The following LRRC47 variants were observed in gnomAD, a reference collection of about 807,000 sequenced individuals.
The protein encoded by LRRC47 is leucine rich repeat containing 47.
A neutral mutation model predicts 40.9 loss-of-function variants in LRRC47; 31 were observed. The ratio of observed to expected loss-of-function variants is 0.76; its 90% CI spans 0.57 to 1.02. LRRC47 has a LOEUF of 1.02. LRRC47 is among the 50% of genes least tolerant of loss of function. LRRC47 has a pLI of 0.00. For missense variants in LRRC47, 726 were observed against 796.1 expected, an observed-to-expected ratio of 0.91 and a Z score of 1.06; for synonymous variants, 427 against 371.9, an observed-to-expected ratio of 1.15 and a Z score of -1.70.
intron 4 of LRRC47, among the ~76,000 whole-genome samples, chr1:3,783,606 T>C (rs1643542531): frequency 6.6e-6 from 1 of 152,164 alleles, no homozygotes; most frequent in East Asian, 1.9e-4. Flanking sequence ...TCATCTTGCT[T>C]AGAGCAGCAC....
rs1312567391 is a variant in LRRC47, at chr1:3,779,079, C to G, written c.*2009G>C. 6.6e-6 allele frequency: 1 copy of G among 152,416 alleles called. No individual in the cohort carries two copies. Among genetic ancestry groups the G allele is most frequent in the East Asian group, 1.9e-4 (1 of 5,196 alleles). The allele number at this position is 152,416 out of a possible 1,614,324, so 9.4% of individuals were successfully genotyped here. ...CACACCCACGGCAGTCCAGCTGGCA[C>G]TGAGTGTGTGGGCCTCGTCCTGTCT... is the stretch of plus-strand genomic sequence containing the variant. On this transcript the variant is annotated 3_prime_UTR_variant, in exon 7 of 7. Transcript: ENST00000378251.
rs2275818 is a variant in LRRC47, at chr1:3,778,790, C to T, written c.*2298G>A. ...AAGATGGCAGCTCCAGCATCCCTCCCTTCCTCCCTTCCTCCTTCCCGGGCT... is the reference window on the plus strand; with the variant it reads ...AAGATGGCAGCTCCAGCATCCCTCCTTTCCTCCCTTCCTCCTTCCCGGGCT... On this transcript the variant is annotated 3_prime_UTR_variant, in exon 7 of 7. Transcript: ENST00000378251. 3,239 of 152,384 alleles carry T rather than the reference C, an allele frequency of 0.021. 74 individuals are homozygous for T. The highest frequency in any genetic ancestry group is 0.11 in the East Asian group (555 of 5,128). The allele number at this position is 152,384 out of a possible 1,614,324, so 9.4% of individuals were successfully genotyped here. A position where few individuals can be genotyped will look rare whatever the true frequency, so the allele number is the denominator to read the frequency against.
rs1203361428 is a variant in LRRC47, at chr1:3,779,878, G to T, written c.*1210C>A. Reference sequence around the variant, plus strand: ...GCCTACAGGCTGCTTGCCTGAAGGGGTCTCCACATCTCCACCCCCACAAAG... The same window carrying T: ...GCCTACAGGCTGCTTGCCTGAAGGGTTCTCCACATCTCCACCCCCACAAAG... On this transcript the variant is annotated 3_prime_UTR_variant, in exon 7 of 7. Transcript: ENST00000378251. The T allele has an allele frequency of 1.3e-5, 2 of 152,124 alleles. No individual in the cohort carries two copies. Among genetic ancestry groups the T allele is most frequent in the Non-Finnish European group, 2.9e-5 (2 of 68,048 alleles). The allele number at this position is 152,124 out of a possible 1,614,324, so 9.4% of individuals were successfully genotyped here.
In LRRC47 at chr1:3,791,419, C is replaced by T. The variant is rs552475161; in HGVS notation, c.616-4109G>A. 3.2e-4 allele frequency among the ~76,000 whole-genome samples: 48 copies of T among 152,348 alleles called. 1 individual carries two copies. The South Asian group carries it at 6.6e-3, about 21-fold the overall frequency. Reference sequence around the variant, plus strand: ...CAGCCACAGAGAGACAGGGCTGGAGCCCGTGCCTTCTGTTTTTTTTCCTTT... The same window carrying T: ...CAGCCACAGAGAGACAGGGCTGGAGTCCGTGCCTTCTGTTTTTTTTCCTTT... On this transcript the variant is annotated intron_variant, in intron 1 of 6. Coordinates refer to ENST00000378251, the MANE Select transcript of LRRC47 (RefSeq NM_020710.3).
At chr1:3,783,969 C>G (rs376822471) in intron 4 of LRRC47, 27 bp downstream of exon 4, 1 of 1,577,110 alleles carries the variant, frequency 6.3e-7, no homozygotes, top group South Asian at 1.1e-5. Context: ...CCGGGCCCGG[C>G]CCCACCCCAC....
intron 1 of LRRC47, among the ~76,000 whole-genome samples, chr1:3,795,329 A>T (rs1266961953): frequency 2.6e-5 from 4 of 152,242 alleles, no homozygotes; most frequent in Admixed American, 2.6e-4. Flanking sequence ...GAAAAACCCA[A>T]GTTACCTGCT....
At chr1:3,785,642 C>T (rs1277722039) in intron 2 of LRRC47, 2 of 152,348 alleles carry the variant, frequency 1.3e-5, no homozygotes, top group Non-Finnish European at 2.9e-5. Flanking sequence ...CTGCGGGGCG[C>T]ACGAGACTTT....
Position 3,796,492 on chromosome 1 carries a change from G to C in LRRC47, c.-16C>G, listed in dbSNP as rs1209772505. The C allele has an allele frequency of 1.3e-6, 2 of 1,498,206 alleles. No individual in the cohort carries two copies. Among genetic ancestry groups the C allele is most frequent in the South Asian group, 1.2e-5 (1 of 80,090 alleles). 92.8% of individuals were successfully genotyped at this position (1,498,206 alleles called of 1,614,324 possible). On this transcript the variant is annotated 5_prime_UTR_variant, in exon 1 of 7. Transcript: ENST00000378251. ...CCGCCGCCATGGCGCCTCAGCTGCT[G>C]GCAGGCACCCACCCACCAGGGTGCT...
Position 3,793,465 on chromosome 1 carries a change from A to C in LRRC47, c.615+2397T>G, listed in dbSNP as rs111427986. On this transcript the variant is annotated intron_variant, in intron 1 of 6. Transcript: ENST00000378251. ...GGGAGACATTTGTAATTTAAATGAT[A>C]ATACTCCTTCCGTAAAACTCAACTG... Among the ~76,000 whole-genome samples the C allele has an allele frequency of 1.0e-3, 154 of 152,310 alleles. 1 individual carries two copies. Among genetic ancestry groups the C allele is most frequent in the African/African-American group, 3.5e-3 (146 of 41,568 alleles).
At chr1:3,787,710 T>C (rs1182507077) in intron 1 of LRRC47, among the ~76,000 whole-genome samples, 1 of 152,178 alleles carries the variant, frequency 6.6e-6, no homozygotes, top group Non-Finnish European at 1.5e-5. Context: ...TAGCCAGGAC[T>C]GCTCAGGTGA....
At chr1:3,786,237 C>G (rs1164081619) in intron 2 of LRRC47, among the ~76,000 whole-genome samples, 1 of 152,192 alleles carries the variant, frequency 6.6e-6, no homozygotes, top group African/African-American at 2.4e-5. Context: ...GTGGCTGACA[C>G]CCGTAATCCC....
At position 3,786,841 on chromosome 1, in the gene LRRC47, G is replaced by A; in HGVS notation, c.1077+8C>T. 6.4e-7 allele frequency: 1 copy of A among 1,574,742 alleles called. No individual in the cohort carries two copies. ...CCCAGTCATCTGAGGACCCCCACGGGCACCCACCTGCGAGGTGAGGAAGCG... is the reference window on the plus strand; with the variant it reads ...CCCAGTCATCTGAGGACCCCCACGGACACCCACCTGCGAGGTGAGGAAGCG... On this transcript the variant is annotated splice_region_variant and intron_variant, in intron 2 of 6. Transcript: ENST00000378251.
At chr1:3,791,335 G>A (rs1300165825) in intron 1 of LRRC47, among the ~76,000 whole-genome samples, 2 of 152,200 alleles carry the variant, frequency 1.3e-5, no homozygotes, top group African/African-American at 4.8e-5. Flanking sequence ...TTCGTGTACT[G>A]CGTTACCCTC....
intron 5 of LRRC47, among the ~76,000 whole-genome samples, chr1:3,782,239 C>CA (rs1643527427): frequency 2.7e-5 from 4 of 148,562 alleles, no homozygotes; most frequent in African/African-American, 1.0e-4. Context: ...TTTCTGGAGA[C>CA]GGAGTTTCAC....
chr1:3,788,788 C>A (rs556392614), intron 1 of LRRC47, among the ~76,000 whole-genome samples: 1 of 152,060 alleles, frequency 6.6e-6, no homozygotes, highest in Non-Finnish European at 1.5e-5. Flanking sequence ...AGGGAGGAAG[C>A]GACAACTTAA....
At chr1:3,783,904 G>A (rs1208659941) in intron 4 of LRRC47, 92 bp downstream of exon 4, 3 of 1,004,188 alleles carry the variant, frequency 3.0e-6, no homozygotes, top group Admixed American at 4.3e-5. Context: ...GGTAGCATTA[G>A]GCGGTTCCTG....
chr1:3,783,603 G>C (rs1226317162), intron 4 of LRRC47, among the ~76,000 whole-genome samples: 1 of 152,176 alleles, frequency 6.6e-6, no homozygotes, highest in Non-Finnish European at 1.5e-5. Context: ...TGATCATCTT[G>C]CTTAGAGCAG....
Position 3,779,036 on chromosome 1 carries a change from G to C in LRRC47, c.*2052C>G, listed in dbSNP as rs900033033. Reference sequence around the variant, plus strand: ...GGAATCAGGTTTTGGGAGGACACAAGGCAAGGCAGTCATCTGACACACCCA... The same window carrying C: ...GGAATCAGGTTTTGGGAGGACACAACGCAAGGCAGTCATCTGACACACCCA... On this transcript the variant is annotated 3_prime_UTR_variant, in exon 7 of 7. Transcript: ENST00000378251. 2 of 152,420 alleles carry C rather than the reference G, an allele frequency of 1.3e-5. No homozygotes were observed. Among genetic ancestry groups the C allele is most frequent in the African/African-American group, 2.4e-5 (1 of 41,480 alleles). The allele number at this position is 152,420 out of a possible 1,614,324, so 9.4% of individuals were successfully genotyped here. A position where few individuals can be genotyped will look rare whatever the true frequency, so the allele number is the denominator to read the frequency against.
intron 4 of LRRC47, among the ~76,000 whole-genome samples, chr1:3,783,500 T>C (rs1420902462): frequency 6.6e-6 from 1 of 151,088 alleles, no homozygotes; most frequent in Non-Finnish European, 1.5e-5. Context: ...TTACACAAAT[T>C]AAGTGTAATA....
Sources: allele counts gnomAD v4.1 joint callset (sites outside exome capture counted in the v4.1 genomes callset), GRCh38; gene constraint gnomAD v4.1.1; transcripts MANE v1.5; gene names NCBI Gene and HGNC (gene_info 2026-07-23, HGNC 2026-07-21).